Variants in GRM7 observed in about 807,000 individuals in gnomAD.
GRM7 encodes the protein metabotropic glutamate receptor 7.
GRM7 carries 35 observed loss-of-function variants against 84.5 expected under a neutral mutation model. The ratio of observed to expected loss-of-function variants is 0.41; its 90% CI spans 0.32 to 0.55. GRM7 has a LOEUF of 0.55. GRM7 is among the 20% of genes least tolerant of loss of function. GRM7 has a pLI of 0.19. For synonymous variants in GRM7, 487 were observed against 455.1 expected (o/e 1.07, Z -0.89); for missense variants, 1,003 against 1,194.6 (o/e 0.84, Z 2.36).
chr3:7,159,439 G>T (rs1694555040), intron 2 of GRM7, among the ~76,000 whole-genome samples: 1 of 152,150 alleles, frequency 6.6e-6, no homozygotes, highest in Non-Finnish European at 1.5e-5. Flanking sequence ...GAGTGAAAGA[G>T]ATGAGCCTGG....
rs150005856 is a variant in GRM7 at position 7,629,234 on chromosome 3, T to C, written c.2451+49877T>C. Among the ~76,000 whole-genome samples, 1,192 of 152,292 alleles carry C rather than the reference T, an allele frequency of 7.8e-3. 5 individuals carry two copies. Among genetic ancestry groups the C allele is most frequent in the Admixed American group, 0.012 (190 of 15,292 alleles). On this transcript the variant is annotated intron_variant, in intron 8 of 9. Coordinates refer to ENST00000357716, the MANE Select transcript of GRM7 (RefSeq NM_000844.4). ...GATTTTACTGTAATAGATAGTACTATATAACCAAAGCAAAGAGGTAGGTAG... is the reference window on the plus strand; with the variant it reads ...GATTTTACTGTAATAGATAGTACTACATAACCAAAGCAAAGAGGTAGGTAG...
intron 7 of GRM7, among the ~76,000 whole-genome samples, chr3:7,531,657 T>A (rs1701040996): frequency 6.6e-6 from 1 of 152,212 alleles, no homozygotes; most frequent in Admixed American, 6.5e-5. Context: ...TGATTTTTTA[T>A]CCTGAGACTT....
intron 1 of GRM7, among the ~76,000 whole-genome samples, chr3:7,117,435 G>C (rs934560821): frequency 2.4e-4 from 36 of 152,260 alleles, no homozygotes; most frequent in Middle Eastern, 3.4e-3. Flanking sequence ...TAACCCACGT[G>C]TATCTCTGAA....
chr3:7,527,105 A>G (rs1214130120), intron 7 of GRM7, among the ~76,000 whole-genome samples: 1 of 152,026 alleles, frequency 6.6e-6, no homozygotes, highest in African/African-American at 2.4e-5. Flanking sequence ...GAATACGTAC[A>G]TTGCTTTGAG....
intron 1 of GRM7, among the ~76,000 whole-genome samples, chr3:6,924,279 C>T (rs1697225481): frequency 6.6e-6 from 1 of 152,158 alleles, no homozygotes; most frequent in Non-Finnish European, 1.5e-5. Context: ...TCTGAAGGCA[C>T]TTCAAAGAGA....
chr3:6,937,193 T>G (rs1333374411), intron 1 of GRM7, among the ~76,000 whole-genome samples: 1 of 152,244 alleles, frequency 6.6e-6, no homozygotes, highest in East Asian at 1.9e-4. Flanking sequence ...AAATATCAAT[T>G]ATCATAAATC....
intron 4 of GRM7, among the ~76,000 whole-genome samples, chr3:7,366,479 G>A (rs1020271568): frequency 1.3e-5 from 2 of 151,830 alleles, no homozygotes; most frequent in African/African-American, 4.8e-5. Flanking sequence ...TACTTTTTGA[G>A]TGAAGTATAT....
At chr3:7,398,395 C>T (rs1430421199) in intron 4 of GRM7, among the ~76,000 whole-genome samples, 1 of 152,050 alleles carries the variant, frequency 6.6e-6, no homozygotes, top group Non-Finnish European at 1.5e-5. Flanking sequence ...AAGAGGGGAA[C>T]CAGGATGAAT....
chr3:7,078,804 G>A (rs1698180980), intron 1 of GRM7, among the ~76,000 whole-genome samples: 1 of 151,480 alleles, frequency 6.6e-6, no homozygotes, highest in Non-Finnish European at 1.5e-5. Context: ...AGGAAATGTA[G>A]GCTTCTCTCC....
At position 7,691,954 on chromosome 3, in the gene GRM7, C is replaced by T. The variant is rs567817054; in HGVS notation, c.2698+11659C>T. Among the ~76,000 whole-genome samples, 151 of 152,210 alleles carry T rather than the reference C, an allele frequency of 9.9e-4. 1 individual carries two copies. The South Asian group carries it at 0.027, about 28-fold the overall frequency. On this transcript the variant is annotated intron_variant, in intron 9 of 9. Coordinates refer to ENST00000357716, the MANE Select transcript of GRM7 (RefSeq NM_000844.4). ...GATTACAGGTGTGAGCCACTGTGGC[C>T]GGCCCTGTGTTTTATTTTAACTGGC...
At chr3:7,230,371 C>G (rs1309428956) in intron 2 of GRM7, among the ~76,000 whole-genome samples, 3 of 152,092 alleles carry the variant, frequency 2.0e-5, no homozygotes, top group African/African-American at 7.2e-5. Context: ...TCACATACTG[C>G]TAGGTTTTCA....
intron 2 of GRM7, among the ~76,000 whole-genome samples, chr3:7,204,401 T>G (rs536319327): frequency 6.6e-6 from 1 of 152,396 alleles, no homozygotes; most frequent in South Asian, 2.1e-4. Flanking sequence ...TGTCAGCTAA[T>G]ATTGGGTTAC....
intron 6 of GRM7, among the ~76,000 whole-genome samples, chr3:7,461,309 G>C (rs2124907546): frequency 6.6e-6 from 1 of 152,200 alleles, no homozygotes; most frequent in Non-Finnish European, 1.5e-5. Flanking sequence ...TCCTCAGAAA[G>C]GGGAAAATAC....
intron 4 of GRM7, among the ~76,000 whole-genome samples, chr3:7,413,470 G>A (rs1696029413): frequency 6.6e-6 from 1 of 152,214 alleles, no homozygotes; most frequent in Non-Finnish European, 1.5e-5. Flanking sequence ...TCAGCTAAGA[G>A]GAGGCAAGTC....
At chr3:7,572,746 T>C (rs371329135) in intron 7 of GRM7, among the ~76,000 whole-genome samples, 1 of 147,154 alleles carries the variant, frequency 6.8e-6, no homozygotes, top group African/African-American at 2.5e-5. Flanking sequence ...GGTGTGAACC[T>C]GGAAGGCGGA....
chr3:7,156,817 G>C (rs1003761652), intron 2 of GRM7, among the ~76,000 whole-genome samples: 1 of 151,972 alleles, frequency 6.6e-6, no homozygotes, highest in Non-Finnish European at 1.5e-5. Flanking sequence ...TTTAATCAAC[G>C]TGAATTTTTT....
chr3:7,030,092 A>G (rs774681041), intron 1 of GRM7, among the ~76,000 whole-genome samples: 2 of 152,234 alleles, frequency 1.3e-5, no homozygotes, highest in Non-Finnish European at 2.9e-5. Context: ...GTCCATAGAT[A>G]AAATATACCC....
chr3:6,896,186 G>A (rs766467507), intron 1 of GRM7, among the ~76,000 whole-genome samples: 2 of 152,108 alleles, frequency 1.3e-5, no homozygotes, highest in African/African-American at 2.4e-5. Context: ...CTGTTGCAAT[G>A]AGATTCTGCT....
intron 1 of GRM7, among the ~76,000 whole-genome samples, chr3:6,959,729 G>C (rs1284947788): frequency 6.6e-6 from 1 of 152,140 alleles, no homozygotes; most frequent in East Asian, 1.9e-4. Flanking sequence ...GATTCATTTA[G>C]AATCCATTTA....
Sources: allele counts gnomAD v4.1 joint callset (sites outside exome capture counted in the v4.1 genomes callset), GRCh38; gene constraint gnomAD v4.1.1; transcripts MANE v1.5; gene names NCBI Gene and HGNC (gene_info 2026-07-23, HGNC 2026-07-21).